The following RBFOX1 variants were observed in gnomAD, a reference collection of about 807,000 sequenced individuals.
RBFOX1 encodes the protein RNA binding protein fox-1 homolog 1.
Under a neutral mutation model 57.7 loss-of-function variants are expected in RBFOX1, and 8 were observed. The observed-to-expected ratio is 0.14, with a 90% CI of 0.08 to 0.25. The LOEUF is 0.25. Ranked by LOEUF, RBFOX1 falls within the 10% of genes least tolerant of loss-of-function variation. The pLI is 1.00. For missense variants in RBFOX1, 611 were observed against 548.5 expected (o/e 1.11, Z -1.14); for synonymous variants, 326 against 222.4 (o/e 1.47, Z -4.15).
At chr16:6,082,558 C>G (rs2096019819) in intron 1 of RBFOX1, among the ~76,000 whole-genome samples, 1 of 151,696 alleles carries the variant, frequency 6.6e-6, no homozygotes, top group Non-Finnish European at 1.5e-5. Context: ...TCAAATAGGG[C>G]TAAGGGCTAA....
intron 3 of RBFOX1, among the ~76,000 whole-genome samples, chr16:6,727,882 T>G (rs763503779): frequency 6.6e-6 from 1 of 152,208 alleles, no homozygotes; most frequent in Non-Finnish European, 1.5e-5. Context: ...GTCCAGTATT[T>G]ACCTGATTCC....
chr16:6,772,294 C>A (rs1276927181), intron 3 of RBFOX1, among the ~76,000 whole-genome samples: 1 of 152,048 alleles, frequency 6.6e-6, no homozygotes, highest in African/African-American at 2.4e-5. Flanking sequence ...CAGTGCCTGA[C>A]CCTAGTACAG....
intron 3 of RBFOX1, among the ~76,000 whole-genome samples, chr16:5,758,955 G>A (rs1242852198): frequency 6.6e-6 from 1 of 152,190 alleles, no homozygotes; most frequent in South Asian, 2.1e-4. Flanking sequence ...GGTTGTGAGA[G>A]GGGCAGTGTG....
At chr16:6,660,126 G>T (rs1229746359) in intron 3 of RBFOX1, among the ~76,000 whole-genome samples, 1 of 151,928 alleles carries the variant, frequency 6.6e-6, no homozygotes, top group East Asian at 2.0e-4. Flanking sequence ...TTGGGAAGCT[G>T]AGGTGGAGAA....
At chr16:5,980,854 G>A (rs1224461756) in intron 4 of RBFOX1, among the ~76,000 whole-genome samples, 2 of 152,028 alleles carry the variant, frequency 1.3e-5, no homozygotes, top group South Asian at 2.1e-4. Flanking sequence ...GTCGGGCAAC[G>A]CTGTCGTCCT....
At chr16:5,375,011 G>A (rs1596724162) in intron 1 of RBFOX1, among the ~76,000 whole-genome samples, 1 of 143,924 alleles carries the variant, frequency 6.9e-6, no homozygotes, top group South Asian at 2.2e-4. Flanking sequence ...GAATTCCAGA[G>A]AGGCCACCAT....
At chr16:6,863,709 A>G (rs945080453) in intron 3 of RBFOX1, among the ~76,000 whole-genome samples, 3 of 113,290 alleles carry the variant, frequency 2.6e-5, no homozygotes, top group Admixed American at 8.9e-5. Flanking sequence ...CCGGAAGCAC[A>G]AATTGGATGC....
intron 4 of RBFOX1, among the ~76,000 whole-genome samples, chr16:6,004,581 G>A (rs1232959878): frequency 6.6e-6 from 1 of 152,168 alleles, no homozygotes; most frequent in Non-Finnish European, 1.5e-5. Context: ...GATTTCTGCA[G>A]CTTCTTATAT....
chr16:7,489,832 A>G (rs898457764), intron 4 of RBFOX1, among the ~76,000 whole-genome samples: 1 of 151,852 alleles, frequency 6.6e-6, no homozygotes, highest in South Asian at 2.1e-4. Flanking sequence ...AGTTATGCAT[A>G]TTATCTTTAA....
At chr16:6,845,902 G>A (rs534024836) in intron 3 of RBFOX1, among the ~76,000 whole-genome samples, 2 of 152,246 alleles carry the variant, frequency 1.3e-5, no homozygotes, top group African/African-American at 2.4e-5. Context: ...CACTTTAAAT[G>A]TCATTATCTT....
At chr16:6,806,384 A>T (rs1407910926) in intron 3 of RBFOX1, among the ~76,000 whole-genome samples, 1 of 152,188 alleles carries the variant, frequency 6.6e-6, no homozygotes, top group Non-Finnish European at 1.5e-5. Context: ...GGTCTGTAAT[A>T]AGGAAAAACC....
At chr16:6,618,356 G>C (rs370271313) in intron 2 of RBFOX1, among the ~76,000 whole-genome samples, 2 of 152,110 alleles carry the variant, frequency 1.3e-5, no homozygotes, top group Non-Finnish European at 2.9e-5. Flanking sequence ...CATATATAAA[G>C]CCATTCAGTA....
intron 9 of RBFOX1, among the ~76,000 whole-genome samples, chr16:7,603,247 A>T (rs79708452): frequency 1.3e-5 from 2 of 152,188 alleles, no homozygotes; most frequent in Non-Finnish European, 2.9e-5. Context: ...AGCCAAAAAA[A>T]AATTTGTCTA....
intron 1 of RBFOX1, among the ~76,000 whole-genome samples, chr16:6,134,144 C>T (rs2096649418): frequency 6.6e-6 from 1 of 151,986 alleles, no homozygotes; most frequent in African/African-American, 2.4e-5. Context: ...ACCATGTTGG[C>T]CAGGCTGGTC....
At chr16:7,124,221 C>G (rs548057192) in intron 4 of RBFOX1, among the ~76,000 whole-genome samples, 1 of 152,034 alleles carries the variant, frequency 6.6e-6, no homozygotes, top group African/African-American at 2.4e-5. Flanking sequence ...ACTGCTTGAT[C>G]TCAGGAGTTG....
At chr16:6,933,916 TTGAG>T (rs1567955267) in intron 3 of RBFOX1, among the ~76,000 whole-genome samples, 1 of 152,140 alleles carries the variant, frequency 6.6e-6, no homozygotes, top group South Asian at 2.1e-4. Context: ...ATACCAGTGT[TTGAG>T]TGATTAAAAA....
At chr16:6,935,233 C>T (rs1415179366) in intron 3 of RBFOX1, among the ~76,000 whole-genome samples, 1 of 152,126 alleles carries the variant, frequency 6.6e-6, no homozygotes, top group African/African-American at 2.4e-5. Context: ...TTAGGGGAGG[C>T]AGCAGAAGTA....
At chr16:5,812,067 T>G (rs2055451963) in intron 3 of RBFOX1, among the ~76,000 whole-genome samples, 2 of 152,206 alleles carry the variant, frequency 1.3e-5, no homozygotes, top group Non-Finnish European at 2.9e-5. Context: ...CTGGCTCCTT[T>G]GGCTTACTGT....
intron 4 of RBFOX1, 144 bp from the exon 5 acceptor site, chr16:7,518,003 G>A: frequency 1.1e-6 from 1 of 939,354 alleles, no homozygotes; most frequent in Non-Finnish European, 1.6e-6. Flanking sequence ...GATGACCTGA[G>A]ATTGGTCCAT....
Sources: gnomAD v4.1 joint callset for allele counts (sites outside exome capture counted in the v4.1 genomes callset) on GRCh38, gnomAD v4.1.1 for gene constraint, MANE v1.5 for transcripts, NCBI Gene and HGNC (gene_info 2026-07-23, HGNC 2026-07-21) for gene names.